NEBL: variants seen among roughly 807,000 people sequenced by gnomAD.
NEBL encodes the protein LIM and SH3 protein 2.
Under a neutral mutation model 140.2 loss-of-function variants are expected in NEBL, and 122 were observed. The ratio of observed to expected loss-of-function variants is 0.87; its 90% CI spans 0.75 to 1.01. NEBL has a LOEUF of 1.01. Among genes scored for constraint, NEBL ranks in the 50% least tolerant of loss-of-function variants. The pLI is 0.00. For missense variants in NEBL, 1,365 were observed against 1,231.3 expected (o/e 1.11, Z -1.62); for synonymous variants, 436 against 398.9 (o/e 1.09, Z -1.11).
At chr10:20,935,360 G>C (rs58260079) in intron 4 of NEBL, among the ~76,000 whole-genome samples, 1 of 152,296 alleles carries the variant, frequency 6.6e-6, no homozygotes, top group African/African-American at 2.4e-5. Context: ...GAGCCTACAA[G>C]TGACGCTAAT....
At chr10:21,007,552 C>A (rs555843793) in intron 3 of NEBL, among the ~76,000 whole-genome samples, 2 of 152,314 alleles carry the variant, frequency 1.3e-5, no homozygotes, top group South Asian at 4.1e-4. Context: ...TCATTTCATA[C>A]ATTATCACCC....
chr10:20,882,691 T>C (rs1436317650), intron 4 of NEBL, among the ~76,000 whole-genome samples: 1 of 152,072 alleles, frequency 6.6e-6, no homozygotes. Flanking sequence ...AAAGGATTAA[T>C]GTGATAAGTC....
At chr10:20,827,115 AC>A in intron 17 of NEBL, among the ~76,000 whole-genome samples, 2 of 152,306 alleles carry the variant, frequency 1.3e-5, no homozygotes, top group Middle Eastern at 6.8e-3. Flanking sequence ...CCAAAGCAGA[AC>A]AAAAACACAA....
At chr10:20,998,957 C>T (rs1283687653) in intron 3 of NEBL, among the ~76,000 whole-genome samples, 7 of 152,152 alleles carry the variant, frequency 4.6e-5, no homozygotes, top group African/African-American at 1.7e-4. Flanking sequence ...GATCCGCCAT[C>T]TGGAACAAGT....
chr10:20,829,244 T>C (rs113798484), intron 16 of NEBL, among the ~76,000 whole-genome samples: 6,255 of 152,134 alleles, frequency 0.041, 252 homozygotes, highest in East Asian at 0.19. Flanking sequence ...CACCATGGAA[T>C]ACTATGCAGC....
chr10:20,890,816 C>T (rs1316271543), intron 2 of NEBL, among the ~76,000 whole-genome samples: 2 of 152,226 alleles, frequency 1.3e-5, no homozygotes, highest in African/African-American at 4.8e-5. Context: ...TATAATCACA[C>T]TGTCACACTA....
intron 21 of NEBL, among the ~76,000 whole-genome samples, chr10:20,816,332 A>G (rs1177202242): frequency 6.6e-6 from 1 of 152,232 alleles, no homozygotes; most frequent in Non-Finnish European, 1.5e-5. Context: ...TATTCACCGT[A>G]GACTGGTACT....
intron 27 of NEBL, among the ~76,000 whole-genome samples, chr10:20,786,433 A>G (rs1027070241): frequency 4.6e-5 from 7 of 152,236 alleles, no homozygotes; most frequent in African/African-American, 7.2e-5. Context: ...AATTTAGCAT[A>G]TAAGTGTCCT....
rs757959387 is a variant in NEBL, at chr10:20,828,600, G to C, written c.1706C>G (p.Ser569Cys). 6.3e-7 allele frequency: 1 copy of C among 1,591,026 alleles called. No individual in the cohort carries two copies. Among genetic ancestry groups the C allele is most frequent in the Non-Finnish European group, 8.6e-7 (1 of 1,159,560 alleles). Residue 569 changes from serine (S) to cysteine (C), a missense_variant, in exon 17 of 28, where the codon TCT becomes TGT. By Grantham distance (112) the Ser-to-Cys change is moderately radical. Transcript: ENST00000377122. Reference sequence around the variant, plus strand: ...AGTATCTGCTATGGTAGAATAGTTAGAAAGCATCTTCTCTGCTTCATCTTT... The same window carrying C: ...AGTATCTGCTATGGTAGAATAGTTACAAAGCATCTTCTCTGCTTCATCTTT... ...KYKDEAEKML[S>C]NYSTIADTPE... is the part of the protein sequence containing the mutation.
chr10:21,089,667 G>A (rs1836816079), intron 2 of NEBL, among the ~76,000 whole-genome samples: 1 of 152,058 alleles, frequency 6.6e-6, no homozygotes, highest in Non-Finnish European at 1.5e-5. Context: ...TGCTCTCAAT[G>A]ATTGATAGGT....
intron 2 of NEBL, among the ~76,000 whole-genome samples, chr10:21,059,293 G>T (rs1401654203): frequency 6.6e-6 from 1 of 152,224 alleles, no homozygotes; most frequent in Non-Finnish European, 1.5e-5. Context: ...CTTGTGCTGG[G>T]CACAGGCACT....
At chr10:21,012,777 C>T (rs975115545) in intron 3 of NEBL, among the ~76,000 whole-genome samples, 19 of 152,264 alleles carry the variant, frequency 1.2e-4, no homozygotes, top group African/African-American at 4.6e-4. Flanking sequence ...TCTTAACAAA[C>T]AGCCTAGAGC....
At chr10:21,159,784 C>T (rs1047330832) in intron 2 of NEBL, among the ~76,000 whole-genome samples, 2 of 152,186 alleles carry the variant, frequency 1.3e-5, no homozygotes, top group Admixed American at 1.3e-4. Context: ...TCTCTTTTAG[C>T]ATACCAAGCC....
chr10:21,089,871 A>T (rs1386131200), intron 2 of NEBL, among the ~76,000 whole-genome samples: 2 of 152,186 alleles, frequency 1.3e-5, no homozygotes, highest in African/African-American at 4.8e-5. Context: ...TAGTTCCAAT[A>T]TTCAAAATTA....
At position 20,835,538 on chromosome 10, in the gene NEBL, T is replaced by C. The variant is rs1225422071; in HGVS notation, c.1424A>G (p.Lys475Arg). Residue 475 changes from lysine (K) to arginine (R), a missense_variant, in exon 14 of 28, where the codon AAG (lysine) becomes AGG (arginine). Physicochemically the swap from Lys to Arg is conservative, Grantham distance 26 (BLOSUM62 2). Around this residue, in one of 2 missense-constraint regions of NEBL, gnomAD observed 1,323 missense variants for 1,154.8 expected, o/e 1.15. Transcript: ENST00000377122. ...CTCACTCGCTATCTCTGCAGCCTTC[T>C]TGGCATGCTGCATTTCAAGGGTGTC... ...GTDTLEMQHA[K>R]KAAEIASEKD... is the part of the protein sequence containing the mutation. The C allele has an allele frequency of 6.2e-7, 1 of 1,611,994 alleles. No homozygotes were observed. Among genetic ancestry groups the C allele is most frequent in the Non-Finnish European group, 8.5e-7 (1 of 1,179,410 alleles).
At chr10:21,279,289 ATTTT>A (rs33940640) in intron 1 of NEBL, among the ~76,000 whole-genome samples, 3 of 131,830 alleles carry the variant, frequency 2.3e-5, no homozygotes, top group African/African-American at 5.4e-5. Context: ...TATTTTTTCA[ATTTT>A]TTTTTTTTTT....
At chr10:20,799,309 C>A (rs1185912553) in intron 26 of NEBL, among the ~76,000 whole-genome samples, 1 of 152,086 alleles carries the variant, frequency 6.6e-6, no homozygotes, top group Non-Finnish European at 1.5e-5. Flanking sequence ...GTACGTGCCA[C>A]CACACTCAGC....
chr10:21,194,135 T>C (rs1459376690), intron 3 of NEBL, among the ~76,000 whole-genome samples: 3 of 152,012 alleles, frequency 2.0e-5, no homozygotes, highest in Non-Finnish European at 4.4e-5. Flanking sequence ...CCACCATGCC[T>C]GGCTAATTTT....
At chr10:20,907,081 T>C (rs1020759134) in intron 4 of NEBL, among the ~76,000 whole-genome samples, 2 of 152,134 alleles carry the variant, frequency 1.3e-5, no homozygotes, top group African/African-American at 4.8e-5. Context: ...TATAGCTCTA[T>C]AGTAATGCTA....
Sources: gnomAD v4.1 joint callset for allele counts (sites outside exome capture counted in the v4.1 genomes callset) on GRCh38, gnomAD v4.1.1 for gene constraint, gnomAD v4.1.1 regional missense constraint, MANE v1.5 for transcripts, NCBI Gene and HGNC (gene_info 2026-07-23, HGNC 2026-07-21) for gene names.